Variants in DENND4A observed in about 807,000 individuals in gnomAD.
DENND4A encodes the protein C-myc promoter-binding protein.
DENND4A carries 70 observed loss-of-function variants against 199.3 expected under a neutral mutation model. The ratio of observed to expected loss-of-function variants is 0.35; its 90% CI spans 0.29 to 0.43. The LOEUF (loss-of-function observed/expected upper bound fraction) is 0.43. Among genes scored for constraint, DENND4A ranks in the 20% least tolerant of loss-of-function variants. The pLI, the probability that DENND4A is intolerant of heterozygous loss-of-function variation, is 1.00. For missense variants in DENND4A, 1,723 were observed against 2,255.8 expected, an observed-to-expected ratio of 0.76 and a Z score of 4.78; for synonymous variants, 686 against 766.9, an observed-to-expected ratio of 0.89 and a Z score of 1.74.
intron 2 of DENND4A, among the ~76,000 whole-genome samples, chr15:65,759,641 AAG>A (rs1437312149): frequency 4.6e-5 from 7 of 152,206 alleles, no homozygotes; most frequent in Non-Finnish European, 8.8e-5. Context: ...GACACTTAAA[AAG>A]AAAGTGCTAA....
At chr15:65,685,142 T>C (rs1028386945) in intron 23 of DENND4A, among the ~76,000 whole-genome samples, 1 of 151,488 alleles carries the variant, frequency 6.6e-6, no homozygotes, top group Non-Finnish European at 1.5e-5. Flanking sequence ...TTTTTTTTTT[T>C]TTGAGACCGT....
chr15:65,746,931 A>C (rs1186734752), intron 4 of DENND4A, among the ~76,000 whole-genome samples: 5 of 149,262 alleles, frequency 3.3e-5, no homozygotes, highest in African/African-American at 9.9e-5. Flanking sequence ...CCCTGTCTCT[A>C]CTAAAAAAAA....
intron 5 of DENND4A, among the ~76,000 whole-genome samples, chr15:65,741,020 C>G (rs548729592): frequency 1.8e-4 from 27 of 151,926 alleles, no homozygotes; most frequent in Non-Finnish European, 3.1e-4. Flanking sequence ...TAAACACACA[C>G]GTATATAAAT....
At chr15:65,772,706 CAAAAAAAAAAAAAAAAAAA>C (rs34181353) in intron 1 of DENND4A, among the ~76,000 whole-genome samples, 1 of 33,596 alleles carries the variant, frequency 3.0e-5, no homozygotes, top group South Asian at 2.2e-3. Flanking sequence ...GACTCCGTCT[CAAAAAAAAAAAAAAAAAAA>C]AAAAAAAAAA....
At chr15:65,665,627 G>C (rs1442762326) in intron 29 of DENND4A, among the ~76,000 whole-genome samples, 165 bp from the exon 30 acceptor site, 2 of 152,118 alleles carry the variant, frequency 1.3e-5, no homozygotes, top group African/African-American at 4.8e-5. Flanking sequence ...CAGGAAGATG[G>C]GCTGTGTGGA....
At chr15:65,700,773 T>C (rs1242649221) in intron 19 of DENND4A, 98 bp from the exon 20 acceptor site, 5 of 1,269,136 alleles carry the variant, frequency 3.9e-6, no homozygotes, top group Non-Finnish European at 5.2e-6. Context: ...ATACTGAACA[T>C]GAAAAGTGCC....
rs1856105504 is a variant in DENND4A, at chr15:65,691,251, T to C, written c.3343A>G (p.Ile1115Val). Reference protein sequence around the residue: ...GADAKILSNVISKSTRPNTLD... With the variant: ...GADAKILSNVVSKSTRPNTLD... Reference sequence around the variant, plus strand: ...GTATTTGGTCTCGTGCTTTTTGAGATAACATTTGAAAGAATTTTTGCATCA... The same window carrying C: ...GTATTTGGTCTCGTGCTTTTTGAGACAACATTTGAAAGAATTTTTGCATCA... The change falls in exon 23 of 33, where the codon ATC becomes GTC. Residue 1115 changes from isoleucine (I) to valine (V), a missense_variant. By Grantham distance (29) the Ile-to-Val change is conservative. This residue lies in a region of DENND4A where 650 missense variants were observed against 738.1 expected (regional missense o/e 0.88). Coordinates refer to ENST00000443035, the MANE Select transcript of DENND4A (RefSeq NM_001320835.1). The C allele has an allele frequency of 6.2e-7, 1 of 1,613,196 alleles. No individual in the cohort carries two copies. Among genetic ancestry groups the C allele is most frequent in the African/African-American group, 1.3e-5 (1 of 74,908 alleles).
chr15:65,669,086 G>A (rs1269280459), intron 27 of DENND4A, among the ~76,000 whole-genome samples: 1 of 152,116 alleles, frequency 6.6e-6, no homozygotes, highest in African/African-American at 2.4e-5. Flanking sequence ...CAACCCAGGA[G>A]ACAAAGATAA....
intron 1 of DENND4A, among the ~76,000 whole-genome samples, chr15:65,770,897 C>T (rs1310131599): frequency 6.6e-6 from 1 of 152,170 alleles, no homozygotes; most frequent in Non-Finnish European, 1.5e-5. Flanking sequence ...GAAATTGCTA[C>T]AGGTGTGATA....
chr15:65,759,468 A>T (rs551716162), intron 2 of DENND4A, among the ~76,000 whole-genome samples: 26 of 152,004 alleles, frequency 1.7e-4, no homozygotes, highest in African/African-American at 5.3e-4. Flanking sequence ...ACCGAGCGAG[A>T]CTCCATCTGG....
At position 65,756,439 on chromosome 15, in the gene DENND4A, G is replaced by A. The variant is rs1342828896; in HGVS notation, c.12C>T (p.Asp4=). 4 of 1,606,044 alleles carry A rather than the reference G, an allele frequency of 2.5e-6. No individual in the cohort carries two copies. Among genetic ancestry groups the A allele is most frequent in the Non-Finnish European group, 3.4e-6 (4 of 1,176,848 alleles). The change falls in exon 3 of 33, where the codon GAC becomes GAT. Residue 4 remains aspartate (D), a synonymous_variant. Coordinates refer to ENST00000443035, the MANE Select transcript of DENND4A (RefSeq NM_001320835.1). The stretch of plus-strand genomic sequence containing the variant: ...AGTAGTCAGCAACACGAGGCCCCTT[G>A]TCTTCAATCATCTTCCATTACAGAA... MIE[D]KGPRVADYFV... is the part of the protein sequence containing the mutation.
chr15:65,741,837 A>C, intron 4 of DENND4A, 53 bp from the exon 5 acceptor site: 1 of 1,420,322 alleles, frequency 7.0e-7, no homozygotes, highest in South Asian at 1.2e-5. Context: ...TAGGAACTTG[A>C]TAAAATGGAA....
At chr15:65,771,248 C>A in intron 1 of DENND4A, 1 of 1,592,966 alleles carries the variant, frequency 6.3e-7, no homozygotes, top group Non-Finnish European at 8.6e-7. Flanking sequence ...TGACTTCCTT[C>A]GGAGTCGATC....
intron 5 of DENND4A, among the ~76,000 whole-genome samples, chr15:65,739,442 A>C (rs1052848928): frequency 3.9e-5 from 6 of 152,218 alleles, no homozygotes; most frequent in African/African-American, 1.4e-4. Context: ...TAAGTTGCCT[A>C]TGATTTCACA....
chr15:65,744,120 G>A (rs1486955428), intron 4 of DENND4A, among the ~76,000 whole-genome samples: 1 of 151,992 alleles, frequency 6.6e-6, no homozygotes, highest in Non-Finnish European at 1.5e-5. Context: ...GCAACAGTGG[G>A]AATGATGAAA....
chr15:65,661,936 TGACTA>T lies in DENND4A; in HGVS notation c.5634_5638del (p.Val1881GlufsTer6). 6.2e-7 allele frequency: 1 copy of T among 1,613,364 alleles called. No individual in the cohort carries two copies. On this transcript the variant is annotated frameshift_variant, in exon 33 of 33. Transcript: ENST00000443035. LOFTEE classifies it high-confidence loss of function. ...ATCACAGTTGTGTGTACTCTTGACT[TGACTA>T]GGTGTGAGACGATCGTATGCCATCT...
Position 65,711,521 on chromosome 15 carries a change from C to A in DENND4A, c.1953+3957G>T, listed in dbSNP as rs896875974. On this transcript the variant is annotated intron_variant, in intron 14 of 32. Transcript: ENST00000443035. ...AATAAAAAATAATAAAGAAAAAAAA[C>A]CAGGTTTTCAAAGCTTTATAGACCA... is the stretch of plus-strand genomic sequence containing the variant. 6.6e-5 allele frequency among the ~76,000 whole-genome samples: 10 copies of A among 151,964 alleles called. No individual in the cohort carries two copies. The East Asian group carries it at 1.2e-3, about 18-fold the overall frequency.
intron 11 of DENND4A, among the ~76,000 whole-genome samples, chr15:65,724,412 A>C (rs1316945987): frequency 1.3e-5 from 2 of 151,542 alleles, no homozygotes; most frequent in Non-Finnish European, 2.9e-5. Context: ...AAAAGCAATG[A>C]ATATTCATTT....
rs1249437348 is a variant in DENND4A at position 65,691,043 on chromosome 15, G to A, written c.3551C>T (p.Thr1184Ile). Residue 1184 changes from threonine to isoleucine, a missense_variant, in exon 23 of 33, where the codon ACA becomes ATA. Physicochemically the swap from Thr to Ile is moderately conservative, Grantham distance 89. Transcript: ENST00000443035. ...ACGTTGAATCCTCTTGGGATTTTGT[G>A]TAGCAACACATCCTGCTTTTGATAC... is the stretch of plus-strand genomic sequence containing the variant. ...TDVSKAGCVA[T>I]QNPKRIQRMN... 2 of 1,612,564 alleles carry A rather than the reference G, an allele frequency of 1.2e-6. No individual in the cohort carries two copies.
Sources: gnomAD v4.1 joint callset for allele counts (sites outside exome capture counted in the v4.1 genomes callset) on GRCh38, gnomAD v4.1.1 for gene constraint, gnomAD v4.1.1 regional missense constraint, MANE v1.5 for transcripts, NCBI Gene and HGNC (gene_info 2026-07-23, HGNC 2026-07-21) for gene names.